Variants in ZNF497 observed in about 807,000 individuals in gnomAD.
ZNF497 encodes zinc finger-like protein.
For synonymous variants in ZNF497, 422 were observed against 313.7 expected (o/e 1.35, Z -3.65); for missense variants, 930 against 714.0 (o/e 1.30, Z -3.45).
intron 1 of ZNF497, among the ~76,000 whole-genome samples, chr19:58,361,061 C>T (rs1277983306): frequency 3.3e-5 from 5 of 152,094 alleles, no homozygotes; most frequent in African/African-American, 1.2e-4. Context: ...GGATTACAGG[C>T]GTGAGCCACG....
At chr19:58,357,868 C>T in intron 2 of ZNF497, 1 of 1,332,306 alleles carries the variant, frequency 7.5e-7, no homozygotes, top group Non-Finnish European at 9.8e-7. Flanking sequence ...GACAGGGCCA[C>T]GTGCACATCC....
At chr19:58,357,836 G>A in intron 2 of ZNF497, 187 bp from the exon 3 acceptor site, 2 of 1,253,800 alleles carry the variant, frequency 1.6e-6, no homozygotes, top group South Asian at 3.6e-5. Flanking sequence ...TCGGGGGATG[G>A]GCCAGCACTC....
In ZNF497 at chr19:58,354,454, C is replaced by G. The variant is rs1267765215; in HGVS notation, c.*1685G>C. 6.6e-6 allele frequency: 1 copy of G among 152,486 alleles called. No individual in the cohort carries two copies. Among genetic ancestry groups the G allele is most frequent in the Admixed American group, 6.5e-5 (1 of 15,284 alleles). 9.4% of individuals were successfully genotyped at this position (152,486 alleles called of 1,614,324 possible). On this transcript the variant is annotated 3_prime_UTR_variant, in exon 3 of 3. Transcript: ENST00000311044. Reference sequence around the variant, plus strand: ...GGAGCATTCCAGGCAGAGGGAACAGCCAGTGCAAACATGGGAGATGCGGGT... The same window carrying G: ...GGAGCATTCCAGGCAGAGGGAACAGGCAGTGCAAACATGGGAGATGCGGGT...
chr19:58,355,595 T>G lies in ZNF497; in HGVS notation c.*544A>C, dbSNP rs1282953431. 6.6e-6 allele frequency: 1 copy of G among 152,660 alleles called. No homozygotes were observed. The highest frequency in any genetic ancestry group is 2.4e-5 in the African/African-American group (1 of 41,464). The allele number at this position is 152,660 out of a possible 1,614,324, so 9.5% of individuals were successfully genotyped here. A position where few individuals can be genotyped will look rare whatever the true frequency, so the allele number is the denominator to read the frequency against. On this transcript the variant is annotated 3_prime_UTR_variant, in exon 3 of 3. Coordinates refer to ENST00000311044, the MANE Select transcript of ZNF497 (RefSeq NM_198458.3). Reference sequence around the variant, plus strand: ...ATCTGGTTCTGACCTCGGTCAGGAATGCAGTGCTGAGCTTCTTGCCAACAG... The same window carrying G: ...ATCTGGTTCTGACCTCGGTCAGGAAGGCAGTGCTGAGCTTCTTGCCAACAG...
intron 2 of ZNF497, 73 bp downstream of exon 2, chr19:58,358,416 C>T (rs189025053): frequency 1.8e-5 from 21 of 1,156,854 alleles, no homozygotes; most frequent in Admixed American, 3.1e-5. Context: ...CCCTGAGCAC[C>T]TTATCATCCT....
chr19:58,356,341 T>A lies in ZNF497; in HGVS notation c.1295A>T (p.His432Leu). ...CCTCTCGCCAGAGTGCAGGCGCTGG[T>A]GCTGGCGCAGCTCGGAGCTGCCGCG... ...AFRGSSELRQ[H>L]QRLHSGERPF... Residue 432 changes from histidine to leucine, a missense_variant, in exon 3 of 3, where the codon CAC becomes CTC. Physicochemically the swap from His to Leu is moderately conservative, Grantham distance 99. Coordinates refer to ENST00000311044, the MANE Select transcript of ZNF497 (RefSeq NM_198458.3). The A allele has an allele frequency of 6.4e-7, 1 of 1,570,832 alleles. No individual in the cohort carries two copies. The highest frequency in any genetic ancestry group is 8.6e-7 in the Non-Finnish European group (1 of 1,160,802).
Position 58,358,584 on chromosome 19 carries a change from A to T in ZNF497, c.-110T>A. ...CTCCTCTTGGGGCCTGGGGGCTGGCACCTGGGGACAGGAAGGCAGCAGGGC... is the reference window on the plus strand; with the variant it reads ...CTCCTCTTGGGGCCTGGGGGCTGGCTCCTGGGGACAGGAAGGCAGCAGGGC... On this transcript the variant is annotated splice_region_variant and 5_prime_UTR_variant, in exon 2 of 3. Coordinates refer to ENST00000311044, the MANE Select transcript of ZNF497 (RefSeq NM_198458.3). The T allele has an allele frequency of 8.4e-7, 1 of 1,186,594 alleles. No individual in the cohort carries two copies. The highest frequency in any genetic ancestry group is 1.1e-6 in the Non-Finnish European group (1 of 938,582). 73.5% of individuals were successfully genotyped at this position (1,186,594 alleles called of 1,614,324 possible).
At chr19:58,357,824 A>C (rs932814449) in intron 2 of ZNF497, 175 bp from the exon 3 acceptor site, 15 of 1,211,562 alleles carry the variant, frequency 1.2e-5, no homozygotes, top group Non-Finnish European at 6.6e-6. Context: ...CGGGCTAGAC[A>C]CTCGGGGGAT....
In ZNF497 at chr19:58,355,736, T is replaced by C; in HGVS notation, c.*403A>G. 1 of 186,898 alleles carries C rather than the reference T, an allele frequency of 5.4e-6. No individual in the cohort carries two copies. The highest frequency in any genetic ancestry group is 1.1e-5 in the Non-Finnish European group (1 of 91,812). 11.6% of individuals were successfully genotyped at this position (186,898 alleles called of 1,614,324 possible). On this transcript the variant is annotated 3_prime_UTR_variant, in exon 3 of 3. Transcript: ENST00000311044. Reference sequence around the variant, plus strand: ...GCACCTTAGGAGACACAGTGGCCACTGCACTGAGCAGCTGGTAGCAGCAGT... The same window carrying C: ...GCACCTTAGGAGACACAGTGGCCACCGCACTGAGCAGCTGGTAGCAGCAGT...
Position 58,356,912 on chromosome 19 carries a change from C to T in ZNF497, c.724G>A (p.Gly242Ser), listed in dbSNP as rs769349903. The T allele has an allele frequency of 7.5e-6, 12 of 1,593,834 alleles. No homozygotes were observed. Among genetic ancestry groups the T allele is most frequent in the Non-Finnish European group, 9.4e-6 (11 of 1,174,422 alleles). The change falls in exon 3 of 3, where the codon GGC becomes AGC. Residue 242 changes from glycine to serine, a missense_variant. Physicochemically the swap from Gly to Ser is moderately conservative, Grantham distance 56 (BLOSUM62 0). Transcript: ENST00000311044. The stretch of plus-strand genomic sequence containing the variant: ...TCCCGGCAGGCGTGCGGCCGCGCGC[C>T]CGTGTGCACGCGCCGGTGCTCCAGG... Reference protein sequence around the residue: ...NFLEHRRVHTGARPHACRDCG... With the variant: ...NFLEHRRVHTSARPHACRDCG...
chr19:58,358,208 C>T (rs1323864571), intron 2 of ZNF497: 1 of 1,289,930 alleles, frequency 7.8e-7, no homozygotes. Flanking sequence ...GGCTGTTACC[C>T]AGGCAATGTC....
Position 58,356,313 on chromosome 19 carries a change from C to A in ZNF497, c.1323G>T (p.Pro441=), listed in dbSNP as rs914942398. Residue 441 remains proline, a synonymous_variant, in exon 3 of 3, where the codon CCG becomes CCT. Coordinates refer to ENST00000311044, the MANE Select transcript of ZNF497 (RefSeq NM_198458.3). The part of the protein sequence containing the change: ...QHQRLHSGER[P]FVCAHCSKAF... ...CCTTGCTGCAGTGGGCGCAGACGAA[C>A]GGCCTCTCGCCAGAGTGCAGGCGCT... 2 of 1,568,438 alleles carry A rather than the reference C, an allele frequency of 1.3e-6. No homozygotes were observed. Among genetic ancestry groups the A allele is most frequent in the African/African-American group, 1.4e-5 (1 of 72,766 alleles).
Position 58,356,367 on chromosome 19 carries a change from G to C in ZNF497, c.1269C>G (p.Phe423Leu). Residue 423 changes from phenylalanine (F) to leucine (L), a missense_variant, in exon 3 of 3, where the codon TTC becomes TTG. Physicochemically the swap from Phe to Leu is conservative, Grantham distance 22 (BLOSUM62 0). Coordinates refer to ENST00000311044, the MANE Select transcript of ZNF497 (RefSeq NM_198458.3). ...PFACAECGKAFRGSSELRQHQ... is the reference protein window; with the variant it reads ...PFACAECGKALRGSSELRQHQ... ...GCTGGCGCAGCTCGGAGCTGCCGCG[G>C]AAGGCCTTGCCGCATTCTGCGCAGG... 6.4e-7 allele frequency: 1 copy of C among 1,565,934 alleles called. No individual in the cohort carries two copies. The highest frequency in any genetic ancestry group is 1.3e-5 in the African/African-American group (1 of 74,140).
In ZNF497 at chr19:58,356,522, T is replaced by A. The variant is rs1203794105; in HGVS notation, c.1114A>T (p.Asn372Tyr). 6.5e-7 allele frequency: 1 copy of A among 1,548,574 alleles called. No individual in the cohort carries two copies. The highest frequency in any genetic ancestry group is 1.9e-5 in the Admixed American group (1 of 52,078). Reference protein sequence around the residue: ...QCGKAFSQRSNLLSHRRTHSG... With the variant: ...QCGKAFSQRSYLLSHRRTHSG... ...TGCGTGCGCCGGTGGCTCAGTAGGT[T>A]GGAGCGCTGGCTGAAGGCCTTGCCG... is the stretch of plus-strand genomic sequence containing the variant. Residue 372 changes from asparagine (N) to tyrosine (Y), a missense_variant, in exon 3 of 3, where the codon AAC (asparagine) becomes TAC (tyrosine). Physicochemically the swap from Asn to Tyr is moderately radical, Grantham distance 143. Transcript: ENST00000311044.
chr19:58,358,151 C>T (rs2052049602), intron 2 of ZNF497: 1 of 418,084 alleles, frequency 2.4e-6, no homozygotes, highest in Admixed American at 5.0e-5. Context: ...CCTGGGTAGT[C>T]CCCTCCACAC....
intron 2 of ZNF497, 155 bp downstream of exon 2, chr19:58,358,334 G>C: frequency 8.0e-7 from 1 of 1,253,554 alleles, no homozygotes; most frequent in Non-Finnish European, 1.0e-6. Flanking sequence ...TGGTCCTAAG[G>C]CCATGCCTGC....
At chr19:58,358,343 G>C (rs904250158) in intron 2 of ZNF497, 146 bp downstream of exon 2, 5 of 1,239,978 alleles carry the variant, frequency 4.0e-6, no homozygotes, top group Non-Finnish European at 4.2e-6. Flanking sequence ...GGCCATGCCT[G>C]CCTGTCCAGC....
At position 58,357,349 on chromosome 19, in the gene ZNF497, C is replaced by G. The variant is rs1323181181; in HGVS notation, c.287G>C (p.Arg96Pro). The part of the protein sequence containing the change: ...PRSEPADRAL[R>P]PSPLPEEPGC... The stretch of plus-strand genomic sequence containing the variant: ...CGGCTCCTCTGGGAGAGGCGAAGGG[C>G]GCAACGCCCGGTCTGCAGGCTCGCT... Residue 96 changes from arginine (R) to proline (P), a missense_variant, in exon 3 of 3, where the codon CGC becomes CCC. Coordinates refer to ENST00000311044, the MANE Select transcript of ZNF497 (RefSeq NM_198458.3). 2 of 1,595,536 alleles carry G rather than the reference C, an allele frequency of 1.3e-6. No homozygotes were observed. Among genetic ancestry groups the G allele is most frequent in the African/African-American group, 2.7e-5 (2 of 74,518 alleles).
At chr19:58,360,822 C>T (rs1030370486) in intron 1 of ZNF497, among the ~76,000 whole-genome samples, 2 of 130,610 alleles carry the variant, frequency 1.5e-5, no homozygotes, top group African/African-American at 5.9e-5. Flanking sequence ...TGCTCTGTCG[C>T]CCAGGCTGGA....
Sources: allele counts gnomAD v4.1 joint callset (sites outside exome capture counted in the v4.1 genomes callset), GRCh38; gene constraint gnomAD v4.1.1; transcripts MANE v1.5; gene names NCBI Gene and HGNC (gene_info 2026-07-23, HGNC 2026-07-21).